ZNF550: variants seen among roughly 807,000 people sequenced by gnomAD.
ZNF550 encodes the protein zinc finger protein 550.
ZNF550 carries 42 observed loss-of-function variants against 40.2 expected under a neutral mutation model. The ratio of observed to expected loss-of-function variants is 1.05; its 90% CI spans 0.82 to 1.35. The LOEUF (loss-of-function observed/expected upper bound fraction) is 1.35. Ranked by LOEUF, ZNF550 falls within the 40% of genes most tolerant of loss-of-function variation. The probability of loss-of-function intolerance (pLI) is 0.00; values close to 1 mark genes in which losing one functional copy is unlikely to be tolerated. For missense variants in ZNF550, 549 were observed against 525.2 expected (o/e 1.05, Z -0.44); for synonymous variants, 223 against 198.6 (o/e 1.12, Z -1.03).
chr19:57,558,067 G>A (rs1483532628), intron 1 of ZNF550, among the ~76,000 whole-genome samples: 1 of 152,222 alleles, frequency 6.6e-6, no homozygotes, highest in Non-Finnish European at 1.5e-5. Flanking sequence ...TTAGAAATCA[G>A]GCACAGCCTC....
intron 4 of ZNF550, among the ~76,000 whole-genome samples, chr19:57,544,850 A>G (rs2089994242): frequency 6.6e-6 from 1 of 152,224 alleles, no homozygotes; most frequent in Admixed American, 6.5e-5. Flanking sequence ...GGCTAAGTAC[A>G]GTGGCTCACA....
In ZNF550 at chr19:57,556,535, A is replaced by C. The variant is rs1292521926; in HGVS notation, c.28-178T>G. The stretch of plus-strand genomic sequence containing the variant: ...GGCAGATACTGCCTTTTGACAATGC[A>C]ATTGTGCCTGAGAGAAAAGCCTTCT... On this transcript the variant is annotated intron_variant, in intron 1 of 4. Coordinates refer to ENST00000457177, the Ensembl canonical transcript of ZNF550. 4.3e-5 allele frequency: 29 copies of C among 680,772 alleles called. No homozygotes were observed. In the East Asian group the frequency reaches 8.7e-4, roughly 20 times the overall value. 42.2% of individuals were successfully genotyped at this position (680,772 alleles called of 1,614,324 possible). A position where few individuals can be genotyped will look rare whatever the true frequency, so the allele number is the denominator to read the frequency against.
intron 3 of ZNF550, among the ~76,000 whole-genome samples, chr19:57,551,234 A>G (rs1200460804): frequency 6.6e-6 from 1 of 152,150 alleles, no homozygotes; most frequent in African/African-American, 2.4e-5. Context: ...TACACATCCT[A>G]TTTTTAACAT....
chr19:57,550,021 G>C (rs575336980), intron 3 of ZNF550, among the ~76,000 whole-genome samples: 1 of 152,292 alleles, frequency 6.6e-6, no homozygotes, highest in African/African-American at 2.4e-5. Context: ...TTGATGCAGC[G>C]CAAGTGTTCA....
At chr19:57,547,345 G>C (rs1006637953) in exon 4 of ZNF550, 1 of 1,613,422 alleles carries the variant, frequency 6.2e-7, no homozygotes, top group Non-Finnish European at 8.5e-7. Flanking sequence ...AATAAAAGTA[G>C]ACCGGTGGGT....
chr19:57,544,920 G>A (rs777562222), intron 4 of ZNF550, among the ~76,000 whole-genome samples: 2 of 151,954 alleles, frequency 1.3e-5, no homozygotes, highest in African/African-American at 2.4e-5. Context: ...TCAGGAGTTC[G>A]AGACCAGCCT....
At chr19:57,559,765 T>A (rs2090155025) in exon 1 of ZNF550, 1 of 1,253,554 alleles carries the variant, frequency 8.0e-7, no homozygotes, top group Admixed American at 2.8e-5. Context: ...GGTGCGGAGG[T>A]GAGCCCCAGT....
At chr19:57,550,145 C>A (rs185284219) in intron 3 of ZNF550, among the ~76,000 whole-genome samples, 1 of 152,326 alleles carries the variant, frequency 6.6e-6, no homozygotes, top group Non-Finnish European at 1.5e-5. Context: ...AAGCTAGCAG[C>A]TGTGCTTCAT....
chr19:57,545,056 A>C (rs966091228), intron 4 of ZNF550, among the ~76,000 whole-genome samples: 1 of 152,232 alleles, frequency 6.6e-6, no homozygotes, highest in African/African-American at 2.4e-5. Flanking sequence ...CGGGAGGCAG[A>C]GGTTGCAATG....
exon 5 of ZNF550, chr19:57,542,117 T>G (rs2089965062): frequency 6.6e-6 from 1 of 152,006 alleles, no homozygotes; most frequent in Non-Finnish European, 1.5e-5. Context: ...TGAAAGGATA[T>G]GAACTAATGT....
exon 1 of ZNF550, chr19:57,559,742 CG>C: frequency 7.1e-7 from 1 of 1,408,220 alleles, no homozygotes; most frequent in Non-Finnish European, 9.4e-7. Flanking sequence ...AACCCTACCC[CG>C]GGTCCTACAA....
exon 5 of ZNF550, chr19:57,543,137 G>T: frequency 1.7e-6 from 1 of 587,834 alleles, no homozygotes. Context: ...ATCACTTCTG[G>T]TGCTTTCCTT....
chr19:57,544,939 T>G (rs1225780018), intron 4 of ZNF550, among the ~76,000 whole-genome samples: 1 of 152,070 alleles, frequency 6.6e-6, no homozygotes, highest in Non-Finnish European at 1.5e-5. Flanking sequence ...CTGGGCAACA[T>G]GGCAAAACCC....
chr19:57,549,812 T>A (rs1266742916), intron 3 of ZNF550, among the ~76,000 whole-genome samples: 2 of 152,188 alleles, frequency 1.3e-5, no homozygotes, highest in Non-Finnish European at 2.9e-5. Flanking sequence ...CTGACAAGTT[T>A]CTGCTGTGTC....
rs764260969 is a variant in ZNF550, at chr19:57,552,721, C to T, written c.156G>A (p.Gly52=). ...CCAACTCTGGTTTGGGAACCCGATG[C>T]CCTGTTGATAGCAAAAGAAATAGAA... The change falls in exon 3 of 5, where the codon GGG becomes GGA. Residue 52 remains glycine (G), a splice_region_variant and synonymous_variant. Coordinates refer to ENST00000457177, the Ensembl canonical transcript of ZNF550. 3.1e-6 allele frequency: 5 copies of T among 1,596,156 alleles called. No individual in the cohort carries two copies. In the East Asian group the frequency reaches 8.9e-5, roughly 28 times the overall value.
intron 3 of ZNF550, among the ~76,000 whole-genome samples, chr19:57,550,287 T>G (rs962372681): frequency 2.6e-5 from 4 of 152,216 alleles, no homozygotes; most frequent in Non-Finnish European, 5.9e-5. Flanking sequence ...TGAGCACAGA[T>G]CTGTCTCTTG....
At chr19:57,542,464 A>G (rs74615375) in exon 5 of ZNF550, 4 of 151,986 alleles carry the variant, frequency 2.6e-5, no homozygotes, top group Non-Finnish European at 5.9e-5. Context: ...ATACATGTCC[A>G]TAATCAGAGG....
chr19:57,551,480 TG>T (rs5828724), intron 3 of ZNF550, among the ~76,000 whole-genome samples: 36,071 of 151,928 alleles, frequency 0.24, 4,532 homozygotes, highest in Middle Eastern at 0.29. Context: ...TTAGGAGATA[TG>T]GATCATTTAA....
At chr19:57,553,382 A>C (rs2123360056) in intron 2 of ZNF550, 1 of 152,358 alleles carries the variant, frequency 6.6e-6, no homozygotes, top group African/African-American at 2.4e-5. Flanking sequence ...GCCATGGGAC[A>C]CGGCAAAGGT....
Sources: allele counts gnomAD v4.1 joint callset (sites outside exome capture counted in the v4.1 genomes callset), GRCh38; gene constraint gnomAD v4.1.1; transcripts MANE v1.5; gene names NCBI Gene and HGNC (gene_info 2026-07-23, HGNC 2026-07-21).